The following TENM2 variants were observed in gnomAD, a reference collection of about 807,000 sequenced individuals.
TENM2 encodes teneurin transmembrane protein 2.
A neutral mutation model predicts 245.2 loss-of-function variants in TENM2; 52 were observed. That is an observed-to-expected ratio of 0.21 (90% CI 0.17 to 0.27). The LOEUF is 0.27. Ranked by LOEUF, TENM2 falls within the 10% of genes least tolerant of loss-of-function variation. The pLI, the probability that TENM2 is intolerant of heterozygous loss-of-function variation, is 1.00. For missense variants in TENM2, 3,046 were observed against 3,666.8 expected (o/e 0.83, Z 4.37); for synonymous variants, 1,363 against 1,438.9 (o/e 0.95, Z 1.19).
At chr5:168,104,792 T>C (rs1794114378) in intron 9 of TENM2, among the ~76,000 whole-genome samples, 1 of 151,966 alleles carries the variant, frequency 6.6e-6, no homozygotes, top group Non-Finnish European at 1.5e-5. Flanking sequence ...AATGGCAAAA[T>C]GAAACTGACC....
At chr5:167,851,879 T>G (rs1770614309) in intron 2 of TENM2, among the ~76,000 whole-genome samples, 1 of 152,242 alleles carries the variant, frequency 6.6e-6, no homozygotes, top group South Asian at 2.1e-4. Context: ...CTCAGACTGT[T>G]AGAGTTATAT....
chr5:167,245,105 T>G, the TENM2 span, among the ~76,000 whole-genome samples: 1 of 152,202 alleles, frequency 6.6e-6, no homozygotes, highest in Non-Finnish European at 1.5e-5. Flanking sequence ...TTCCATGGTT[T>G]CTTCCCCCTC....
At chr5:168,072,794 C>T (rs1205506628) in intron 7 of TENM2, among the ~76,000 whole-genome samples, 1 of 152,200 alleles carries the variant, frequency 6.6e-6, no homozygotes, top group Non-Finnish European at 1.5e-5. Flanking sequence ...GGAGATGAAT[C>T]AATCAATCTA....
chr5:167,467,680 A>C (rs1766754809), intron 2 of TENM2, among the ~76,000 whole-genome samples: 1 of 152,184 alleles, frequency 6.6e-6, no homozygotes, highest in South Asian at 2.1e-4. Context: ...AATTATGATG[A>C]AAATAAGAAC....
At chr5:167,108,650 A>G in the TENM2 span, among the ~76,000 whole-genome samples, 18 of 152,226 alleles carry the variant, frequency 1.2e-4, no homozygotes, top group Admixed American at 1.2e-3. Flanking sequence ...CCCAAACAAG[A>G]AGAATGCTAG....
intron 1 of TENM2, among the ~76,000 whole-genome samples, chr5:167,369,729 A>G (rs947718153): frequency 1.3e-5 from 2 of 152,210 alleles, no homozygotes; most frequent in African/African-American, 4.8e-5. Flanking sequence ...GGGTGCTTGC[A>G]TAACAAACAT....
At chr5:167,465,763 G>C (rs1325428252) in intron 2 of TENM2, among the ~76,000 whole-genome samples, 3 of 152,090 alleles carry the variant, frequency 2.0e-5, no homozygotes, top group Non-Finnish European at 4.4e-5. Flanking sequence ...CCCGGGAGGC[G>C]GAGCTTGCAG....
chr5:167,793,884 A>G (rs1431969441), intron 2 of TENM2, among the ~76,000 whole-genome samples: 2 of 151,826 alleles, frequency 1.3e-5, no homozygotes, highest in Non-Finnish European at 2.9e-5. Flanking sequence ...ATGACCAACT[A>G]GAGTACAAAG....
intron 2 of TENM2, among the ~76,000 whole-genome samples, chr5:167,429,872 G>T (rs1046208826): frequency 1.1e-4 from 17 of 152,264 alleles, no homozygotes; most frequent in Admixed American, 1.3e-4. Flanking sequence ...CTCCCAAAGT[G>T]CTGGGATTAC....
At chr5:167,930,290 C>T (rs1428560163) in intron 3 of TENM2, among the ~76,000 whole-genome samples, 1 of 151,932 alleles carries the variant, frequency 6.6e-6, no homozygotes, top group East Asian at 1.9e-4. Context: ...AATCAAGGTG[C>T]TTAGGGATGC....
At chr5:167,554,534 C>A (rs1373793719) in intron 2 of TENM2, among the ~76,000 whole-genome samples, 1 of 152,158 alleles carries the variant, frequency 6.6e-6, no homozygotes, top group Admixed American at 6.5e-5. Flanking sequence ...GCTGTGGATA[C>A]TTAGCTGTGG....
chr5:167,505,032 G>A (rs555818477), intron 2 of TENM2, among the ~76,000 whole-genome samples: 1 of 152,232 alleles, frequency 6.6e-6, no homozygotes, highest in East Asian at 1.9e-4. Flanking sequence ...GGGTTAAAGA[G>A]GAAAACAAAT....
chr5:167,349,230 G>T (rs1758663380), intron 1 of TENM2, among the ~76,000 whole-genome samples: 1 of 152,170 alleles, frequency 6.6e-6, no homozygotes, highest in Non-Finnish European at 1.5e-5. Context: ...CCTTGTCATG[G>T]TTGGTGCACG....
At chr5:167,493,520 A>G (rs1262984852) in intron 2 of TENM2, among the ~76,000 whole-genome samples, 1 of 152,160 alleles carries the variant, frequency 6.6e-6, no homozygotes, top group African/African-American at 2.4e-5. Context: ...TATCAAATAA[A>G]ACATAGAATT....
chr5:167,314,169 C>T (rs1333389397), intron 1 of TENM2, among the ~76,000 whole-genome samples: 4 of 151,566 alleles, frequency 2.6e-5, no homozygotes, highest in Non-Finnish European at 4.4e-5. Flanking sequence ...GCTCCAAAAT[C>T]TCTTTTTTAG....
chr5:167,793,265 C>A (rs1347576172), intron 2 of TENM2, among the ~76,000 whole-genome samples: 2 of 152,140 alleles, frequency 1.3e-5, no homozygotes, highest in African/African-American at 4.8e-5. Context: ...GACTTAACAT[C>A]TCTGAGCTTC....
intron 7 of TENM2, among the ~76,000 whole-genome samples, chr5:168,082,097 T>G (rs1178340324): frequency 1.3e-5 from 2 of 152,236 alleles, no homozygotes; most frequent in Non-Finnish European, 2.9e-5. Context: ...TCTTTTCACA[T>G]AGTCCCATAT....
At chr5:168,066,235 C>T (rs1051822655) in intron 7 of TENM2, among the ~76,000 whole-genome samples, 8 of 152,232 alleles carry the variant, frequency 5.3e-5, no homozygotes, top group African/African-American at 1.9e-4. Flanking sequence ...GAATTGTGTA[C>T]CAATTCCTAC....
the TENM2 span, among the ~76,000 whole-genome samples, chr5:167,048,264 TA>T: frequency 6.6e-6 from 1 of 152,136 alleles, no homozygotes; most frequent in Non-Finnish European, 1.5e-5. Flanking sequence ...CTAAAGTAAT[TA>T]AAAAAATTCT....
Sources: allele counts gnomAD v4.1 joint callset (sites outside exome capture counted in the v4.1 genomes callset), GRCh38; gene constraint gnomAD v4.1.1; transcripts MANE v1.5; gene names NCBI Gene and HGNC (gene_info 2026-07-23, HGNC 2026-07-21).